The following ELAVL3 variants were observed in gnomAD, a reference collection of about 807,000 sequenced individuals.
ELAVL3 encodes ELAV like RNA binding protein 3.
A neutral mutation model predicts 34.2 loss-of-function variants in ELAVL3; 8 were observed. The ratio of observed to expected loss-of-function variants is 0.23; its 90% CI spans 0.14 to 0.42. The LOEUF is 0.42. Ranked by LOEUF, ELAVL3 falls within the 10% of genes least tolerant of loss-of-function variation. ELAVL3 has a pLI of 1.00. For missense variants in ELAVL3, 273 were observed against 518.8 expected, an observed-to-expected ratio of 0.53 and a Z score of 4.60; for synonymous variants, 209 against 222.1, an observed-to-expected ratio of 0.94 and a Z score of 0.53.
intron 1 of ELAVL3, among the ~76,000 whole-genome samples, chr19:11,475,134 T>C (rs1971239563): frequency 6.6e-6 from 1 of 152,180 alleles, no homozygotes; most frequent in Admixed American, 6.6e-5. Context: ...CTAATACTGC[T>C]ATTTTAATGA....
rs768237882 is a variant in ELAVL3, at chr19:11,466,796, C to A, written c.41G>T (p.Gly14Val). The A allele has an allele frequency of 5.6e-6, 9 of 1,611,588 alleles. No homozygotes were observed. Among genetic ancestry groups the A allele is most frequent in the African/African-American group, 1.3e-5 (1 of 74,872 alleles). ...QILGAMESQV[G>V]GGPAGPALPN... ...CAGGGCCGGGCCGGCCGGGCCCCCCCCCACCTGAGACTCCATGGCCCCCAG... is the reference window on the plus strand; with the variant it reads ...CAGGGCCGGGCCGGCCGGGCCCCCCACCACCTGAGACTCCATGGCCCCCAG... Residue 14 changes from glycine (G) to valine (V), a missense_variant, in exon 2 of 7, where the codon GGG becomes GTG. Gly to Val is a moderately radical substitution (Grantham distance 109). Around this residue, in one of 4 missense-constraint regions of ELAVL3, gnomAD observed 40 missense variants for 40.8 expected, o/e 0.98. Coordinates refer to ENST00000359227, the MANE Select transcript of ELAVL3 (RefSeq NM_001420.4). This position sits in a 1 kb window ranked among gnomAD's most constrained non-coding sequence, Gnocchi z 5.0.
chr19:11,459,999 C>G (rs997787901), intron 3 of ELAVL3, among the ~76,000 whole-genome samples: 1 of 152,074 alleles, frequency 6.6e-6, no homozygotes, highest in Non-Finnish European at 1.5e-5. Context: ...CCAAATGTCC[C>G]CAGTCTGCAC....
rs1182204880 is a variant in ELAVL3, at chr19:11,458,733, T to C, written c.334-122A>G. The C allele has an allele frequency of 1.5e-6, 2 of 1,334,572 alleles. No individual in the cohort carries two copies. Among genetic ancestry groups the C allele is most frequent in the African/African-American group, 1.4e-5 (1 of 69,284 alleles). 82.7% of individuals were successfully genotyped at this position (1,334,572 alleles called of 1,614,324 possible). On this transcript the variant is annotated intron_variant, in intron 3 of 6. Transcript: ENST00000359227. The surrounding 1 kb of genome is among the most constrained non-coding windows in gnomAD (Gnocchi z 7.3). ...AGTGACCCATCCGTCACTCAATAAG[T>C]ATCTCTAGAGTTGTCACCGTGGGGT...
rs1971356113 is a variant in ELAVL3 at position 11,480,514 on chromosome 19, C to CG, written c.9+85_9+86insC. The CG allele has an allele frequency of 1.4e-6, 2 of 1,410,088 alleles. No homozygotes were observed. Among genetic ancestry groups the CG allele is most frequent in the African/African-American group, 1.5e-5 (1 of 66,542 alleles). The allele number at this position is 1,410,088 out of a possible 1,614,324, so 87.3% of individuals were successfully genotyped here. A position where few individuals can be genotyped will look rare whatever the true frequency, so the allele number is the denominator to read the frequency against. The stretch of plus-strand genomic sequence containing the variant: ...GCCTAGCTAGGCCTGGTCCTACCCC[C>CG]CCCGCCGCACCCGCCCAATCTCCGC... On this transcript the variant is annotated intron_variant, in intron 1 of 6. Transcript: ENST00000359227. This position sits in a 1 kb window ranked among gnomAD's most constrained non-coding sequence, Gnocchi z 6.8.
intron 3 of ELAVL3, among the ~76,000 whole-genome samples, chr19:11,464,129 C>CTCTCTCTGTCTT (rs1568381912): frequency 1.3e-4 from 12 of 92,746 alleles, no homozygotes; most frequent in African/African-American, 7.5e-4. Flanking sequence ...CTCTGTCTCT[C>CTCTCTCTGTCTT]TCTCTCTCTC....
rs1970722620 is a variant in ELAVL3 at position 11,454,445 on chromosome 19, C to A, written c.*81G>T. On this transcript the variant is annotated 3_prime_UTR_variant, in exon 7 of 7. Transcript: ENST00000359227. This position sits in a 1 kb window ranked among gnomAD's most constrained non-coding sequence, Gnocchi z 9.2. ...GGCTGCCTGTGCTGTCTCTCTTGGG[C>A]CCCTTCTCTCTCTCTCTCTCTCTTT... 4.5e-6 allele frequency: 6 copies of A among 1,325,766 alleles called. No individual in the cohort carries two copies. In the Admixed American group the frequency reaches 1.2e-4, roughly 27 times the overall value. 82.1% of individuals were successfully genotyped at this position (1,325,766 alleles called of 1,614,324 possible). A position where few individuals can be genotyped will look rare whatever the true frequency, so the allele number is the denominator to read the frequency against.
rs917746716 is a variant in ELAVL3 at position 11,480,206 on chromosome 19, CT to C, written c.9+393del. 1.5e-5 allele frequency: 3 copies of C among 200,750 alleles called. No homozygotes were observed. Among genetic ancestry groups the C allele is most frequent in the African/African-American group, 6.9e-5 (3 of 43,324 alleles). 12.4% of individuals were successfully genotyped at this position (200,750 alleles called of 1,614,324 possible). On this transcript the variant is annotated intron_variant, in intron 1 of 6. Coordinates refer to ENST00000359227, the MANE Select transcript of ELAVL3 (RefSeq NM_001420.4). This position sits in a 1 kb window ranked among gnomAD's most constrained non-coding sequence, Gnocchi z 6.8. ...CAGGGCTCTCGGGGACGCTTTGTCGCTTTGGCTTGGCCCAGCACCAGTGATC... is the reference window on the plus strand; with the variant it reads ...CAGGGCTCTCGGGGACGCTTTGTCGCTTGGCTTGGCCCAGCACCAGTGATC...
intron 3 of ELAVL3, among the ~76,000 whole-genome samples, chr19:11,460,728 C>A (rs935066654): frequency 6.6e-6 from 1 of 152,066 alleles, no homozygotes; most frequent in Admixed American, 6.6e-5. Flanking sequence ...TTTGTCCTCC[C>A]CCCACCACCC....
chr19:11,472,394 A>C (rs775961842), intron 1 of ELAVL3, among the ~76,000 whole-genome samples: 9 of 151,988 alleles, frequency 5.9e-5, no homozygotes, highest in Non-Finnish European at 1.3e-4. Flanking sequence ...GGAATGAATT[A>C]AGAAGAATTC....
Position 11,466,233 on chromosome 19 carries a change from T to C in ELAVL3, c.272A>G (p.Asn91Ser), listed in dbSNP as rs759286535. 6.5e-5 allele frequency: 105 copies of C among 1,613,762 alleles called. No homozygotes were observed. Among genetic ancestry groups the C allele is most frequent in the East Asian group, 5.8e-4 (26 of 44,894 alleles). ...GYGFVNYSDPNDADKAINTLN... is the reference protein window; with the variant it reads ...GYGFVNYSDPSDADKAINTLN... The stretch of plus-strand genomic sequence containing the variant: ...GGTGTTGATGGCTTTGTCTGCATCA[T>C]TGGGGTCAGAATAGTTCACAAACCC... The change falls in exon 3 of 7, where the codon AAT becomes AGT. Residue 91 changes from asparagine to serine, a missense_variant. By Grantham distance (46) the Asn-to-Ser change is conservative. This residue lies in a region of ELAVL3 where 102 missense variants were observed against 250.1 expected (regional missense o/e 0.41). Coordinates refer to ENST00000359227, the MANE Select transcript of ELAVL3 (RefSeq NM_001420.4). The surrounding 1 kb of genome is among the most constrained non-coding windows in gnomAD (Gnocchi z 5.0).
At chr19:11,479,424 A>C (rs1379655840) in intron 1 of ELAVL3, among the ~76,000 whole-genome samples, 4 of 152,148 alleles carry the variant, frequency 2.6e-5, no homozygotes, top group Admixed American at 2.6e-4. Context: ...GACACAATGC[A>C]CAGAGACACA....
Position 11,466,843 on chromosome 19 carries a change from C to G in ELAVL3, c.10-16G>C, listed in dbSNP as rs758266420. On this transcript the variant is annotated splice_polypyrimidine_tract_variant and intron_variant, in intron 1 of 6. Coordinates refer to ENST00000359227, the MANE Select transcript of ELAVL3 (RefSeq NM_001420.4). The surrounding 1 kb of genome is among the most constrained non-coding windows in gnomAD (Gnocchi z 5.0). ...CCAGTATCTGCTGGAGATAACAGGTCGCATCCGCTCACCGCCCAGTCCCCA... is the reference window on the plus strand; with the variant it reads ...CCAGTATCTGCTGGAGATAACAGGTGGCATCCGCTCACCGCCCAGTCCCCA... 2 of 1,573,878 alleles carry G rather than the reference C, an allele frequency of 1.3e-6. No individual in the cohort carries two copies. Among genetic ancestry groups the G allele is most frequent in the Non-Finnish European group, 1.7e-6 (2 of 1,158,606 alleles).
chr19:11,478,508 G>A (rs960969251), intron 1 of ELAVL3, among the ~76,000 whole-genome samples: 1 of 152,036 alleles, frequency 6.6e-6, no homozygotes, highest in South Asian at 2.1e-4. Flanking sequence ...GACAGAGATG[G>A]GGGGGTGGCA....
At chr19:11,457,430 C>A (rs1191837045) in intron 5 of ELAVL3, among the ~76,000 whole-genome samples, 3 of 152,194 alleles carry the variant, frequency 2.0e-5, no homozygotes, top group Non-Finnish European at 4.4e-5. Context: ...GCGCTGGGAT[C>A]CCTGGGGAAA....
Position 11,454,431 on chromosome 19 carries a change from C to G in ELAVL3, c.*95G>C. ...CGCGTCGTCCGTGGGGCTGCCTGTG[C>G]TGTCTCTCTTGGGCCCCTTCTCTCT... On this transcript the variant is annotated 3_prime_UTR_variant, in exon 7 of 7. Transcript: ENST00000359227. The surrounding 1 kb of genome is among the most constrained non-coding windows in gnomAD (Gnocchi z 9.2). 8.2e-7 allele frequency: 1 copy of G among 1,223,472 alleles called. No individual in the cohort carries two copies. The highest frequency in any genetic ancestry group is 1.1e-6 in the Non-Finnish European group (1 of 902,428). 75.8% of individuals were successfully genotyped at this position (1,223,472 alleles called of 1,614,324 possible).
intron 1 of ELAVL3, among the ~76,000 whole-genome samples, chr19:11,471,115 G>A (rs1180938898): frequency 6.6e-6 from 1 of 150,542 alleles, no homozygotes; most frequent in Non-Finnish European, 1.5e-5. Flanking sequence ...TTTGAGACCA[G>A]CCTGGCCAAT....
intron 3 of ELAVL3, among the ~76,000 whole-genome samples, chr19:11,464,514 C>T (rs1970969198): frequency 6.6e-6 from 1 of 150,944 alleles, no homozygotes; most frequent in Admixed American, 6.7e-5. Context: ...GCCAGAGCCA[C>T]AGTGAGTCAC....
At chr19:11,470,538 G>A (rs1424625608) in intron 1 of ELAVL3, among the ~76,000 whole-genome samples, 2 of 151,520 alleles carry the variant, frequency 1.3e-5, no homozygotes, top group Non-Finnish European at 2.9e-5. Flanking sequence ...TTAGCCGGGC[G>A]TGGTGGCGCA....
intron 3 of ELAVL3, among the ~76,000 whole-genome samples, chr19:11,459,186 C>T (rs1970833245): frequency 6.8e-6 from 1 of 146,314 alleles, no homozygotes; most frequent in African/African-American, 2.5e-5. Flanking sequence ...GCAATGGCGA[C>T]ATCTCGGCTC....
Sources: allele counts gnomAD v4.1 joint callset (sites outside exome capture counted in the v4.1 genomes callset), GRCh38; gene constraint gnomAD v4.1.1; regional missense constraint gnomAD v4.1.1; non-coding constraint Gnocchi (gnomAD v3.1); transcripts MANE v1.5; gene names NCBI Gene and HGNC (gene_info 2026-07-23, HGNC 2026-07-21).